Variants in COL4A5 observed in about 807,000 individuals in gnomAD.
COL4A5 encodes the protein collagen type IV alpha 5 chain, also known as collagen alpha-5(IV) chain.
COL4A5 carries 26 observed loss-of-function variants against 130.2 expected under a neutral mutation model. The ratio of observed to expected loss-of-function variants is 0.20; its 90% CI spans 0.15 to 0.28. The LOEUF (loss-of-function observed/expected upper bound fraction) is 0.28, where lower values mean the gene tolerates loss of function less well. Among genes scored for constraint, COL4A5 ranks in the 10% least tolerant of loss-of-function variants. The pLI is 1.00. For synonymous variants in COL4A5, 496 were observed against 439.6 expected, an observed-to-expected ratio of 1.13 and a Z score of -1.60; for missense variants, 1,131 against 1,344.3, an observed-to-expected ratio of 0.84 and a Z score of 2.48.
At chrX:108,512,570 C>G (rs768285747) in intron 1 of COL4A5, among the ~76,000 whole-genome samples, 7 of 109,560 alleles carry the variant, frequency 6.4e-5, no homozygotes, top group African/African-American at 2.3e-4. Context: ...GCTGGGCATC[C>G]GGGGGAGACA....
chrX:108,480,183 T>G (rs1351911211), intron 1 of COL4A5, among the ~76,000 whole-genome samples: 2 of 111,949 alleles, frequency 1.8e-5, no homozygotes, highest in Non-Finnish European at 3.8e-5. Context: ...GAGGAATGTG[T>G]TGGCTCCAAA....
intron 33 of COL4A5, 109 bp downstream of exon 33, chrX:108,622,934 T>C (rs778131300): frequency 6.8e-5 from 47 of 691,037 alleles, no homozygotes; most frequent in Non-Finnish European, 1.0e-4. Flanking sequence ...CAAAGGCACT[T>C]AAATGCATCA....
intron 1 of COL4A5, among the ~76,000 whole-genome samples, chrX:108,521,170 C>G (rs1482419624): frequency 8.1e-5 from 9 of 111,477 alleles, no homozygotes; most frequent in Non-Finnish European, 5.7e-5. Context: ...ATTTAATATT[C>G]AAGTCATAAA....
chrX:108,473,613 G>GTATA lies in COL4A5; in HGVS notation c.81+33425_81+33428dup, dbSNP rs1230922272. Among the ~76,000 whole-genome samples, 24 of 46,084 alleles carry GTATA rather than the reference G, an allele frequency of 5.2e-4. No homozygotes were observed. In the South Asian group the frequency reaches 5.3e-3, roughly 10 times the overall value. 40.0% of individuals were successfully genotyped at this position (46,084 alleles called of 115,157 possible). ...TAAAGTTTTATATATATATATATAT[G>GTATA]TATATATATATATATATATATTTTT... On this transcript the variant is annotated intron_variant, in intron 1 of 52. Coordinates refer to ENST00000328300, the MANE Select transcript of COL4A5 (RefSeq NM_033380.3).
chrX:108,679,654 T>C (rs2068383544), intron 44 of COL4A5, among the ~76,000 whole-genome samples: 1 of 110,989 alleles, frequency 9.0e-6, no homozygotes, highest in Non-Finnish European at 1.9e-5. Flanking sequence ...ATAAGCTTCG[T>C]TGTCCTGCAC....
intron 50 of COL4A5, chrX:108,693,848 A>C (rs183729912): frequency 6.3e-5 from 7 of 111,726 alleles, no homozygotes; most frequent in African/African-American, 2.3e-4. Flanking sequence ...AGTTTAACTC[A>C]ATCTCTTAGG....
rs756507901 is a variant in COL4A5 at position 108,628,462 on chromosome X, C to G, written c.3246+2113C>G. Among the ~76,000 whole-genome samples, 13 of 111,401 alleles carry G rather than the reference C, an allele frequency of 1.2e-4. No homozygotes were observed. The South Asian group carries it at 4.9e-3, about 42-fold the overall frequency. On this transcript the variant is annotated intron_variant, in intron 36 of 52. Coordinates refer to ENST00000328300, the MANE Select transcript of COL4A5 (RefSeq NM_033380.3). ...TATCAATTTAAAAAATTTTACCAAT[C>G]TAATGGGTGAAAAGTAGTGTATCAT...
At chrX:108,575,789 A>G (rs930234978) in intron 9 of COL4A5, 121 bp from the exon 10 acceptor site, 2 of 511,758 alleles carry the variant, frequency 3.9e-6, no homozygotes, top group African/African-American at 4.7e-5. Flanking sequence ...GTGAGTTGAG[A>G]TCATGCCATT....
chrX:108,486,978 G>C (rs755897336), intron 1 of COL4A5, among the ~76,000 whole-genome samples: 130 of 112,244 alleles, frequency 1.2e-3, no homozygotes, highest in African/African-American at 3.9e-3. Flanking sequence ...CCTCTGGGTA[G>C]ATAACCAGTA....
rs1603290555 is a variant in COL4A5 at position 108,598,558 on chromosome X, C to G, written c.1780-144C>G. ...GGAATGAGTAAGTGGAATGATCACA[C>G]ATACCATCTCATAATACCACTCACT... is the stretch of plus-strand genomic sequence containing the variant. On this transcript the variant is annotated intron_variant, in intron 24 of 52. Transcript: ENST00000328300. 9.1e-6 allele frequency: 5 copies of G among 548,339 alleles called. No homozygotes were observed. In the East Asian group the frequency reaches 1.7e-4, roughly 18 times the overall value. The allele number at this position is 548,339 out of a possible 1,213,427, so 45.2% of individuals were successfully genotyped here. A position where few individuals can be genotyped will look rare whatever the true frequency, so the allele number is the denominator to read the frequency against.
chrX:108,591,526 C>T (rs1369456826), intron 20 of COL4A5, 35 bp from the exon 21 acceptor site: 6 of 1,076,987 alleles, frequency 5.6e-6, no homozygotes, highest in Non-Finnish European at 7.8e-6. Context: ...GGATATTTCA[C>T]AATTAGCTTG....
At chrX:108,626,544 A>C (rs1405587987) in intron 36 of COL4A5, 195 bp downstream of exon 36, 1 of 1,140,489 alleles carries the variant, frequency 8.8e-7, no homozygotes, top group Non-Finnish European at 1.2e-6. Flanking sequence ...CCAAAATAAA[A>C]AGGGAAAACT....
At chrX:108,634,025 A>G (rs1325969692) in intron 36 of COL4A5, among the ~76,000 whole-genome samples, 1 of 111,262 alleles carries the variant, frequency 9.0e-6, no homozygotes, top group Non-Finnish European at 1.9e-5. Flanking sequence ...CATTACAATC[A>G]GTGGACAGTA....
At chrX:108,606,933 T>G in intron 29 of COL4A5, 41 bp downstream of exon 29, 1 of 1,192,201 alleles carries the variant, frequency 8.4e-7, no homozygotes. Context: ...CTTTTAACTT[T>G]TATAGAAATT....
chrX:108,510,459 T>A (rs1344249071), intron 1 of COL4A5, among the ~76,000 whole-genome samples: 1 of 111,055 alleles, frequency 9.0e-6, no homozygotes, highest in Non-Finnish European at 1.9e-5. Context: ...GTTCCATCCT[T>A]TGTCTTTCCC....
At chrX:108,458,851 G>T in intron 1 of COL4A5, among the ~76,000 whole-genome samples, 1 of 111,038 alleles carries the variant, frequency 9.0e-6, no homozygotes, top group African/African-American at 3.3e-5. Context: ...GTGGTGGCGG[G>T]CGCCTGTAGT....
intron 21 of COL4A5, among the ~76,000 whole-genome samples, chrX:108,593,890 A>G (rs957429838): frequency 8.9e-6 from 1 of 112,159 alleles, no homozygotes; most frequent in Non-Finnish European, 1.9e-5. Flanking sequence ...TCCAACTTTT[A>G]AGTTTAAAAT....
intron 51 of COL4A5, 105 bp from the exon 52 acceptor site, chrX:108,695,162 C>T (rs2068712100): frequency 9.6e-7 from 1 of 1,040,797 alleles, no homozygotes. Flanking sequence ...GGGCCTGTTC[C>T]TTCACTAGAT....
intron 1 of COL4A5, among the ~76,000 whole-genome samples, chrX:108,454,579 C>T (rs1173478673): frequency 1.8e-5 from 2 of 110,786 alleles, no homozygotes; most frequent in East Asian, 5.7e-4. Flanking sequence ...GCCCAGCCAG[C>T]AATAATTTTC....
Sources: gnomAD v4.1 joint callset for allele counts (sites outside exome capture counted in the v4.1 genomes callset) on GRCh38, gnomAD v4.1.1 for gene constraint, MANE v1.5 for transcripts, NCBI Gene and HGNC (gene_info 2026-07-23, HGNC 2026-07-21) for gene names.